Variants in GALNT13 observed in about 807,000 individuals in gnomAD.
GALNT13 encodes the protein polypeptide N-acetylgalactosaminyltransferase 13.
Under a neutral mutation model 64.2 loss-of-function variants are expected in GALNT13, and 28 were observed. The ratio of observed to expected loss-of-function variants is 0.44; its 90% confidence interval spans 0.32 to 0.60. GALNT13 has a LOEUF of 0.60. Ranked by LOEUF, GALNT13 falls within the 20% of genes least tolerant of loss-of-function variation. The pLI is 0.05. For synonymous variants in GALNT13, 214 were observed against 224.6 expected (o/e 0.95, Z 0.42); for missense variants, 577 against 669.8 (o/e 0.86, Z 1.53).
chr2:153,671,416 A>G, the GALNT13 span, among the ~76,000 whole-genome samples: 1 of 152,056 alleles, frequency 6.6e-6, no homozygotes, highest in Non-Finnish European at 1.5e-5. Context: ...TAAAGAAAGG[A>G]ATTTTCAACC....
chr2:154,212,268 G>A (rs1437705906), intron 4 of GALNT13, among the ~76,000 whole-genome samples: 6 of 151,526 alleles, frequency 4.0e-5, no homozygotes, highest in Non-Finnish European at 8.8e-5. Flanking sequence ...TTTTTGAGAC[G>A]GAGTCTTGCT....
intron 4 of GALNT13, among the ~76,000 whole-genome samples, chr2:154,151,525 T>C (rs561918954): frequency 6.6e-6 from 1 of 152,116 alleles, no homozygotes; most frequent in Non-Finnish European, 1.5e-5. Context: ...ATGTTGACAG[T>C]GGGGTGTTAA....
the GALNT13 span, among the ~76,000 whole-genome samples, chr2:153,850,163 A>T: frequency 6.9e-6 from 1 of 145,642 alleles, no homozygotes; most frequent in South Asian, 2.2e-4. Context: ...TGGGAGACAG[A>T]GCGAGACTCC....
the GALNT13 span, among the ~76,000 whole-genome samples, chr2:153,580,111 T>C: frequency 6.6e-6 from 1 of 152,310 alleles, no homozygotes; most frequent in African/African-American, 2.4e-5. Context: ...CTCTAATTTT[T>C]ACTATTTTCT....
chr2:153,831,497 T>C, the GALNT13 span, among the ~76,000 whole-genome samples: 1 of 152,168 alleles, frequency 6.6e-6, no homozygotes, highest in Non-Finnish European at 1.5e-5. Context: ...CAATTCCTTC[T>C]TGTAGCAGCC....
chr2:153,117,402 T>G, the GALNT13 span, among the ~76,000 whole-genome samples: 1 of 152,170 alleles, frequency 6.6e-6, no homozygotes, highest in East Asian at 1.9e-4. Context: ...CTGTCAAATA[T>G]AGAGTGGGTA....
chr2:153,147,820 C>A, the GALNT13 span, among the ~76,000 whole-genome samples: 1 of 151,690 alleles, frequency 6.6e-6, no homozygotes, highest in Non-Finnish European at 1.5e-5. Flanking sequence ...ATTAGTTGGT[C>A]TGCAAAATGT....
At chr2:153,979,206 T>A (rs938632403) in intron 3 of GALNT13, among the ~76,000 whole-genome samples, 6 of 152,154 alleles carry the variant, frequency 3.9e-5, no homozygotes, top group African/African-American at 1.4e-4. Context: ...TACATTTACT[T>A]ATAATGAATT....
At chr2:154,292,422 T>G (rs760271536) in intron 8 of GALNT13, among the ~76,000 whole-genome samples, 3 of 152,232 alleles carry the variant, frequency 2.0e-5, no homozygotes, top group Non-Finnish European at 4.4e-5. Flanking sequence ...AATAAATCAC[T>G]CATTTACTCA....
chr2:153,984,111 T>G (rs748369001), intron 3 of GALNT13, among the ~76,000 whole-genome samples: 32 of 151,868 alleles, frequency 2.1e-4, no homozygotes, highest in Non-Finnish European at 4.4e-4. Context: ...CTTTAGAAGT[T>G]TAATGAAATA....
chr2:154,299,204 G>A (rs1693276676), intron 8 of GALNT13, among the ~76,000 whole-genome samples: 1 of 151,226 alleles, frequency 6.6e-6, no homozygotes, highest in South Asian at 2.1e-4. Flanking sequence ...GCAAAGATAG[G>A]CATAATCTAG....
chr2:154,091,236 T>C (rs1313504351), intron 3 of GALNT13, among the ~76,000 whole-genome samples: 6 of 152,022 alleles, frequency 3.9e-5, no homozygotes, highest in Non-Finnish European at 8.8e-5. Context: ...TGTTATGTTG[T>C]AAAATTTTAT....
At chr2:153,283,790 A>G in the GALNT13 span, among the ~76,000 whole-genome samples, 1 of 151,998 alleles carries the variant, frequency 6.6e-6, no homozygotes, top group Non-Finnish European at 1.5e-5. Flanking sequence ...GGTGCTCTGA[A>G]TACTTTGAAG....
At chr2:153,879,153 AC>A (rs958030716) in intron 1 of GALNT13, among the ~76,000 whole-genome samples, 15 of 152,158 alleles carry the variant, frequency 9.9e-5, no homozygotes, top group African/African-American at 3.6e-4. Flanking sequence ...CACAGCAATT[AC>A]TATGCCCCAG....
At chr2:153,478,606 G>A in the GALNT13 span, 2 of 1,472,566 alleles carry the variant, frequency 1.4e-6, no homozygotes, top group Non-Finnish European at 1.8e-6. Flanking sequence ...CGGGTCCGAG[G>A]GGTGGGAAGG....
At chr2:154,147,715 T>C (rs1683702316) in intron 4 of GALNT13, among the ~76,000 whole-genome samples, 2 of 152,018 alleles carry the variant, frequency 1.3e-5, no homozygotes, top group Admixed American at 6.6e-5. Flanking sequence ...TGTTTGTTTG[T>C]TTTTGCAAAT....
chr2:153,258,770 A>G, the GALNT13 span, among the ~76,000 whole-genome samples: 2 of 152,040 alleles, frequency 1.3e-5, no homozygotes, highest in African/African-American at 4.8e-5. Context: ...TATAGTTTCC[A>G]TATTTCGTCT....
the GALNT13 span, among the ~76,000 whole-genome samples, chr2:153,648,726 T>C: frequency 1.1e-3 from 171 of 151,744 alleles, 1 homozygote; most frequent in South Asian, 3.5e-3. Context: ...GAGATGATCA[T>C]GTGGTTTTTG....
At chr2:153,545,972 C>G in the GALNT13 span, among the ~76,000 whole-genome samples, 87,600 of 152,100 alleles carry the variant, frequency 0.58, 28,327 homozygotes, top group African/African-American at 0.86. Context: ...AGGGCCCTCA[C>G]CAGCCCTGTG....
Sources: gnomAD v4.1 joint callset for allele counts (sites outside exome capture counted in the v4.1 genomes callset) on GRCh38, gnomAD v4.1.1 for gene constraint, MANE v1.5 for transcripts, NCBI Gene and HGNC (gene_info 2026-07-23, HGNC 2026-07-21) for gene names.